Variants in RASSF3 observed in about 807,000 individuals in gnomAD.
RASSF3 encodes ras association domain-containing protein 3.
A neutral mutation model predicts 19.9 loss-of-function variants in RASSF3; 19 were observed. That is an observed-to-expected ratio of 0.96 (90% CI 0.67 to 1.40). The LOEUF is 1.40. Ranked by LOEUF, RASSF3 falls within the 40% of genes most tolerant of loss-of-function variation. The pLI, the probability that RASSF3 is intolerant of heterozygous loss-of-function variation, is 0.00. For synonymous variants in RASSF3, 110 were observed against 104.2 expected (o/e 1.06, Z -0.34); for missense variants, 306 against 289.8 (o/e 1.06, Z -0.41).
intron 4 of RASSF3, among the ~76,000 whole-genome samples, chr12:64,692,716 G>T (rs1311943221): frequency 6.6e-6 from 1 of 152,102 alleles, no homozygotes; most frequent in Non-Finnish European, 1.5e-5. Context: ...CATTGGGCAA[G>T]AATTTTATTA....
chr12:64,689,945 C>A (rs993672520), intron 3 of RASSF3, among the ~76,000 whole-genome samples: 1 of 151,040 alleles, frequency 6.6e-6, no homozygotes, highest in African/African-American at 2.4e-5. Context: ...CCCGCCACCA[C>A]GTCTGGCTAA....
At chr12:64,551,384 G>A (rs1031807603) in intron 2 of RASSF3, among the ~76,000 whole-genome samples, 2 of 152,134 alleles carry the variant, frequency 1.3e-5, no homozygotes, top group Non-Finnish European at 2.9e-5. Flanking sequence ...AGACCAGGCT[G>A]GGCAACATGG....
intron 2 of RASSF3, among the ~76,000 whole-genome samples, chr12:64,549,738 A>G (rs35731857): frequency 0.092 from 14,076 of 152,232 alleles, 759 homozygotes; most frequent in Middle Eastern, 0.21. Context: ...GGGATACAGT[A>G]GTTGGTGTGT....
intron 1 of RASSF3, among the ~76,000 whole-genome samples, chr12:64,649,544 A>G (rs1297929021): frequency 6.6e-6 from 1 of 152,044 alleles, no homozygotes; most frequent in Non-Finnish European, 1.5e-5. Flanking sequence ...TTCTCTGCCC[A>G]CTCTGCAGGT....
chr12:64,615,513 A>T (rs973508795), intron 1 of RASSF3, among the ~76,000 whole-genome samples: 1 of 152,160 alleles, frequency 6.6e-6, no homozygotes, highest in African/African-American at 2.4e-5. Context: ...TTCTTATTCA[A>T]ATATTTTTGT....
intron 1 of RASSF3, among the ~76,000 whole-genome samples, chr12:64,675,431 T>A (rs1166772513): frequency 6.6e-6 from 1 of 152,140 alleles, no homozygotes; most frequent in African/African-American, 2.4e-5. Context: ...ATTACAGGCA[T>A]GAGCCACTGT....
At chr12:64,526,219 T>C (rs111878965) in intron 1 of RASSF3, among the ~76,000 whole-genome samples, 3,044 of 152,342 alleles carry the variant, frequency 0.02, 48 homozygotes, top group Non-Finnish European at 0.033. Flanking sequence ...GTATTTATGG[T>C]ATACAGCATG....
chr12:64,511,126 G>A lies in RASSF3; in HGVS notation c.169+3797G>A, dbSNP rs556047272. 4.6e-5 allele frequency among the ~76,000 whole-genome samples: 7 copies of A among 152,274 alleles called. No homozygotes were observed. In the South Asian group the frequency reaches 6.2e-4, roughly 14 times the overall value. ...AGTGGCAGCAGAGTTGCTGAAGAGCGGCATGGAGGAAAGTTTCTTGATGTC... is the reference window on the plus strand; with the variant it reads ...AGTGGCAGCAGAGTTGCTGAAGAGCAGCATGGAGGAAAGTTTCTTGATGTC... On this transcript the variant is annotated intron_variant, in intron 1 of 5. Transcript: ENST00000637125.
At chr12:64,650,968 G>A (rs1303500335) in intron 1 of RASSF3, among the ~76,000 whole-genome samples, 8 of 152,272 alleles carry the variant, frequency 5.3e-5, no homozygotes, top group African/African-American at 1.9e-4. Context: ...TGCCTCTACT[G>A]TGACCAACAC....
At chr12:64,578,321 C>T (rs1034359561) in intron 2 of RASSF3, among the ~76,000 whole-genome samples, 2 of 152,022 alleles carry the variant, frequency 1.3e-5, no homozygotes, top group Non-Finnish European at 2.9e-5. Context: ...TTAATTCCAA[C>T]GACATCCCCA....
At chr12:64,615,886 A>ACTGGT (rs1484175684) in intron 1 of RASSF3, among the ~76,000 whole-genome samples, 2 of 151,818 alleles carry the variant, frequency 1.3e-5, no homozygotes, top group African/African-American at 4.8e-5. Flanking sequence ...TGTTGGGCAA[A>ACTGGT]CTGGTCTCAA....
In RASSF3 at chr12:64,697,060, A is replaced by ATTTTTTTTTTTTTT. The variant is rs60256040; in HGVS notation, c.*2157_*2170dup. The ATTTTTTTTTTTTTT allele has an allele frequency of 7.4e-6, 1 of 134,784 alleles. No homozygotes were observed. The highest frequency in any genetic ancestry group is 1.6e-5 in the Non-Finnish European group (1 of 62,348). 8.3% of individuals were successfully genotyped at this position (134,784 alleles called of 1,614,324 possible). A position where few individuals can be genotyped will look rare whatever the true frequency, so the allele number is the denominator to read the frequency against. On this transcript the variant is annotated 3_prime_UTR_variant, in exon 5 of 5. Transcript: ENST00000542104. The stretch of plus-strand genomic sequence containing the variant: ...AGTAGTAGCTGATGGGTATCTGTGA[A>ATTTTTTTTTTTTTT]TTTTTTTTTTTTTTTTTTTTTTACT...
At chr12:64,682,842 T>C (rs1873188908) in intron 1 of RASSF3, among the ~76,000 whole-genome samples, 1 of 152,232 alleles carries the variant, frequency 6.6e-6, no homozygotes. Flanking sequence ...GGCTTTATTT[T>C]GCAGGAGTAA....
chr12:64,597,389 C>T (rs1870014413), intron 2 of RASSF3, among the ~76,000 whole-genome samples: 1 of 151,956 alleles, frequency 6.6e-6, no homozygotes, highest in Admixed American at 6.6e-5. Context: ...CCTCACCCTC[C>T]CAAAATGTTG....
intron 1 of RASSF3, among the ~76,000 whole-genome samples, chr12:64,625,412 C>T (rs1870952075): frequency 6.6e-6 from 1 of 151,608 alleles, no homozygotes; most frequent in Non-Finnish European, 1.5e-5. Flanking sequence ...TTTGTTTGCC[C>T]AAGAGTTTAT....
intron 2 of RASSF3, among the ~76,000 whole-genome samples, chr12:64,574,015 T>C (rs1467031345): frequency 6.6e-6 from 1 of 151,866 alleles, no homozygotes; most frequent in African/African-American, 2.4e-5. Flanking sequence ...ATTAAAAAAA[T>C]ATTTGGGCCA....
At chr12:64,553,986 A>AC (rs969867578) in intron 2 of RASSF3, among the ~76,000 whole-genome samples, 2 of 151,664 alleles carry the variant, frequency 1.3e-5, no homozygotes, top group African/African-American at 2.4e-5. Flanking sequence ...CAAAAAAAAA[A>AC]AAAAAAAGAA....
intron 2 of RASSF3, among the ~76,000 whole-genome samples, chr12:64,603,885 G>T (rs1486274190): frequency 6.6e-6 from 1 of 151,720 alleles, no homozygotes; most frequent in Non-Finnish European, 1.5e-5. Flanking sequence ...GTCTTGCTCT[G>T]TCGCCAGGCT....
At chr12:64,609,938 G>C (rs984667371), upstream of RASSF3, among the ~76,000 whole-genome samples, 3 of 152,190 alleles carry the variant, frequency 2.0e-5, no homozygotes, top group African/African-American at 7.2e-5. Flanking sequence ...ACTCAACCCA[G>C]TTTTTGACCT....
Sources: gnomAD v4.1 joint callset for allele counts (sites outside exome capture counted in the v4.1 genomes callset) on GRCh38, gnomAD v4.1.1 for gene constraint, MANE v1.5 for transcripts, NCBI Gene and HGNC (gene_info 2026-07-23, HGNC 2026-07-21) for gene names.